Variants in NRXN3 observed in about 807,000 individuals in gnomAD.
NRXN3 encodes neurexin 3, also known as neurexin III.
A neutral mutation model predicts 137.6 loss-of-function variants in NRXN3; 32 were observed. The observed-to-expected ratio is 0.23, with a 90% confidence interval of 0.18 to 0.31. The LOEUF (loss-of-function observed/expected upper bound fraction) is 0.31. NRXN3 is among the 10% of genes least tolerant of loss of function. The pLI is 1.00. For missense variants in NRXN3, 1,574 were observed against 2,062.5 expected (o/e 0.76, Z 4.59); for synonymous variants, 798 against 784.5 (o/e 1.02, Z -0.29).
At chr14:78,470,414 G>C (rs1181603221) in intron 4 of NRXN3, among the ~76,000 whole-genome samples, 2 of 151,986 alleles carry the variant, frequency 1.3e-5, no homozygotes, top group African/African-American at 4.8e-5. Context: ...ATTATACTTA[G>C]AGGAGAAGTT....
chr14:78,843,991 C>T (rs1226816712), intron 10 of NRXN3, among the ~76,000 whole-genome samples: 1 of 152,082 alleles, frequency 6.6e-6, no homozygotes. Flanking sequence ...TACCACCAAC[C>T]TGGTGGCTTA....
intron 16 of NRXN3, among the ~76,000 whole-genome samples, chr14:79,572,452 T>G (rs539330929): frequency 6.6e-6 from 1 of 152,328 alleles, no homozygotes; most frequent in East Asian, 1.9e-4. Flanking sequence ...AATCCAGAAA[T>G]AATGCATGTA....
At chr14:79,728,410 C>T (rs1223290134) in intron 19 of NRXN3, among the ~76,000 whole-genome samples, 1 of 152,134 alleles carries the variant, frequency 6.6e-6, no homozygotes, top group African/African-American at 2.4e-5. Flanking sequence ...AAATCTCTCT[C>T]CTCCCAGGAG....
At chr14:79,048,783 G>A (rs1486391681) in intron 15 of NRXN3, among the ~76,000 whole-genome samples, 1 of 150,736 alleles carries the variant, frequency 6.6e-6, no homozygotes, top group Non-Finnish European at 1.5e-5. Flanking sequence ...CCAGCACTTT[G>A]GGAGGCCGAG....
intron 15 of NRXN3, among the ~76,000 whole-genome samples, chr14:79,282,199 G>C (rs953895873): frequency 1.3e-5 from 2 of 152,002 alleles, no homozygotes; most frequent in Non-Finnish European, 2.9e-5. Context: ...AGCTCCTAAG[G>C]GGGAGAGGGA....
intron 4 of NRXN3, among the ~76,000 whole-genome samples, chr14:78,395,507 T>C (rs1421754551): frequency 6.6e-6 from 1 of 151,996 alleles, no homozygotes; most frequent in Non-Finnish European, 1.5e-5. Context: ...GAGTGTTTGA[T>C]AAATGCCAAT....
intron 2 of NRXN3, among the ~76,000 whole-genome samples, chr14:78,260,564 TGTGGAAGGGAGCCG>T (rs2070526014): frequency 6.6e-6 from 1 of 152,214 alleles, no homozygotes; most frequent in Non-Finnish European, 1.5e-5. Context: ...TCCCACATGT[TGTGGAAGGGAGCCG>T]GTGGGAGATA....
intron 15 of NRXN3, among the ~76,000 whole-genome samples, chr14:79,262,836 A>G (rs2077841546): frequency 6.6e-6 from 1 of 152,174 alleles, no homozygotes; most frequent in Non-Finnish European, 1.5e-5. Flanking sequence ...CTGGGTGGAT[A>G]GCAACACTGA....
chr14:78,355,148 T>G (rs1422509444), intron 4 of NRXN3, among the ~76,000 whole-genome samples: 1 of 152,194 alleles, frequency 6.6e-6, no homozygotes, highest in Non-Finnish European at 1.5e-5. Flanking sequence ...CTTAACTAAA[T>G]TCATGTTTTC....
chr14:78,441,964 C>T (rs567696806), intron 4 of NRXN3, among the ~76,000 whole-genome samples: 8 of 151,912 alleles, frequency 5.3e-5, no homozygotes, highest in South Asian at 4.2e-4. Context: ...GGCGTGGTGG[C>T]GGGGACCTGT....
At chr14:79,359,602 GCT>G (rs2093614522) in intron 15 of NRXN3, among the ~76,000 whole-genome samples, 3 of 134,290 alleles carry the variant, frequency 2.2e-5, no homozygotes, top group Non-Finnish European at 4.7e-5. Context: ...ACAGAGTCTT[GCT>G]CTGTCGCCCA....
At chr14:79,708,496 TTG>T (rs1484987060) in intron 19 of NRXN3, among the ~76,000 whole-genome samples, 1 of 116,866 alleles carries the variant, frequency 8.6e-6, no homozygotes, top group Non-Finnish European at 1.8e-5. Context: ...GAGGTAAGAA[TTG>T]TTTTTTTTTT....
chr14:79,201,893 C>T (rs540227935), intron 15 of NRXN3, among the ~76,000 whole-genome samples: 8 of 152,184 alleles, frequency 5.3e-5, no homozygotes, highest in Non-Finnish European at 1.2e-4. Flanking sequence ...TAAACAGGTA[C>T]TATTACTATC....
chr14:79,164,732 A>C (rs189819193), intron 15 of NRXN3, among the ~76,000 whole-genome samples: 1 of 152,008 alleles, frequency 6.6e-6, no homozygotes, highest in Non-Finnish European at 1.5e-5. Flanking sequence ...TAAAGTTAAG[A>C]GAAATTAACA....
chr14:78,797,159 A>T (rs1171827345), intron 8 of NRXN3, among the ~76,000 whole-genome samples: 1 of 152,204 alleles, frequency 6.6e-6, no homozygotes, highest in Non-Finnish European at 1.5e-5. Context: ...GAGGGGGGAG[A>T]CGAGAGCCGT....
chr14:78,302,154 C>T (rs1041802196), intron 4 of NRXN3, among the ~76,000 whole-genome samples: 3 of 152,194 alleles, frequency 2.0e-5, no homozygotes, highest in African/African-American at 7.2e-5. Flanking sequence ...ATTGGCAATA[C>T]ATTAGATTCA....
intron 10 of NRXN3, among the ~76,000 whole-genome samples, chr14:78,842,846 G>A (rs753264761): frequency 6.6e-6 from 1 of 152,148 alleles, no homozygotes; most frequent in African/African-American, 2.4e-5. Context: ...GAAGAGAAAT[G>A]TGGCTCTGTT....
At chr14:78,605,394 G>T (rs1566870428) in intron 4 of NRXN3, among the ~76,000 whole-genome samples, 1 of 152,162 alleles carries the variant, frequency 6.6e-6, no homozygotes, top group African/African-American at 2.4e-5. Flanking sequence ...AAAAGGAGGA[G>T]AAAGAAATTC....
chr14:78,736,260 G>T (rs1348988115), intron 8 of NRXN3, among the ~76,000 whole-genome samples: 1 of 152,194 alleles, frequency 6.6e-6, no homozygotes, highest in East Asian at 1.9e-4. Flanking sequence ...TGGAGTTCAA[G>T]ATGTAGTTAA....
Sources: allele counts gnomAD v4.1 joint callset (sites outside exome capture counted in the v4.1 genomes callset), GRCh38; gene constraint gnomAD v4.1.1; transcripts MANE v1.5; gene names NCBI Gene and HGNC (gene_info 2026-07-23, HGNC 2026-07-21).